Variants in KLF8 observed in about 807,000 individuals in gnomAD.
KLF8 encodes Krueppel-like factor 8.
KLF8 carries 10 observed loss-of-function variants against 18.2 expected under a neutral mutation model. The ratio of observed to expected loss-of-function variants is 0.55; its 90% CI spans 0.34 to 0.93. KLF8 has a LOEUF of 0.93. KLF8 is among the 40% of genes least tolerant of loss of function. The pLI, the probability that KLF8 is intolerant of heterozygous loss-of-function variation, is 0.02. For synonymous variants in KLF8, 109 were observed against 97.3 expected (o/e 1.12, Z -0.71); for missense variants, 264 against 277.9 (o/e 0.95, Z 0.36).
chrX:56,050,118 C>G, the KLF8 span, among the ~76,000 whole-genome samples: 1 of 109,954 alleles, frequency 9.1e-6, no homozygotes, highest in Non-Finnish European at 1.9e-5. Flanking sequence ...GTGATATCCC[C>G]TTTATCATTT....
chrX:55,930,856 G>A, the KLF8 span, among the ~76,000 whole-genome samples: 3 of 111,774 alleles, frequency 2.7e-5, no homozygotes, highest in Non-Finnish European at 5.6e-5. Flanking sequence ...TTTTTACGTT[G>A]TGTCTCTGCC....
the KLF8 span, among the ~76,000 whole-genome samples, chrX:56,077,684 C>A: frequency 9.0e-6 from 1 of 111,645 alleles, no homozygotes; most frequent in African/African-American, 3.3e-5. Context: ...TGAAGAAAGT[C>A]ATTGGTAGCT....
the KLF8 span, among the ~76,000 whole-genome samples, chrX:56,008,171 C>T: frequency 4.7e-5 from 5 of 105,947 alleles, no homozygotes; most frequent in African/African-American, 1.8e-4. Flanking sequence ...TAACATTTTG[C>T]CTACATGCAT....
At chrX:55,909,461 T>G in the KLF8 span, among the ~76,000 whole-genome samples, 1 of 112,788 alleles carries the variant, frequency 8.9e-6, no homozygotes, top group South Asian at 3.6e-4. Flanking sequence ...CAAATTTTAT[T>G]GAATGCCAGG....
At chrX:56,115,223 G>A in the KLF8 span, among the ~76,000 whole-genome samples, 1 of 110,895 alleles carries the variant, frequency 9.0e-6, no homozygotes, top group Admixed American at 9.6e-5. Flanking sequence ...AAACTAGTCT[G>A]GGCAACATAG....
At chrX:56,163,738 C>T in the KLF8 span, among the ~76,000 whole-genome samples, 2 of 112,166 alleles carry the variant, frequency 1.8e-5, no homozygotes, top group Non-Finnish European at 3.8e-5. Flanking sequence ...TAGGGTTTTA[C>T]ATTTAAGTCT....
At chrX:56,189,305 T>A in the KLF8 span, among the ~76,000 whole-genome samples, 1 of 112,034 alleles carries the variant, frequency 8.9e-6, no homozygotes, top group Non-Finnish European at 1.9e-5. Context: ...GAAATGCAAG[T>A]CAAAACCACA....
At chrX:56,025,233 A>C in the KLF8 span, among the ~76,000 whole-genome samples, 1 of 112,692 alleles carries the variant, frequency 8.9e-6, no homozygotes, top group Non-Finnish European at 1.9e-5. Context: ...CATCATAGAA[A>C]GTCTGAAATA....
At chrX:56,175,942 A>G in the KLF8 span, among the ~76,000 whole-genome samples, 1 of 110,379 alleles carries the variant, frequency 9.1e-6, no homozygotes, top group African/African-American at 3.3e-5. Flanking sequence ...TTTGTTTTCC[A>G]TTTGCTTGGC....
intron 1 of KLF8, among the ~76,000 whole-genome samples, chrX:56,241,652 G>T (rs1338773821): frequency 9.0e-6 from 1 of 111,562 alleles, no homozygotes; most frequent in Non-Finnish European, 1.9e-5. Flanking sequence ...AACTGGAAGG[G>T]ATCTGAAAAG....
the KLF8 span, among the ~76,000 whole-genome samples, chrX:55,993,530 G>T: frequency 8.9e-6 from 1 of 111,908 alleles, no homozygotes; most frequent in Non-Finnish European, 1.9e-5. Context: ...ATTTTCGCAT[G>T]TATGTTTATC....
chrX:56,210,807 A>C, the KLF8 span, among the ~76,000 whole-genome samples: 1 of 108,627 alleles, frequency 9.2e-6, no homozygotes, highest in Non-Finnish European at 1.9e-5. Context: ...CTGCTTGATG[A>C]ATTTTGCAAT....
intron 2 of KLF8, among the ~76,000 whole-genome samples, chrX:56,261,552 C>G (rs1333667729): frequency 9.0e-6 from 1 of 111,153 alleles, no homozygotes; most frequent in Non-Finnish European, 1.9e-5. Context: ...GGTAGCCATC[C>G]TGAGTCATCT....
At chrX:56,207,952 G>A in the KLF8 span, among the ~76,000 whole-genome samples, 4 of 111,048 alleles carry the variant, frequency 3.6e-5, no homozygotes, top group Admixed American at 9.7e-5. Context: ...CATGGCAGAA[G>A]GTGAATGAGG....
At chrX:56,068,725 C>A in the KLF8 span, among the ~76,000 whole-genome samples, 1 of 106,032 alleles carries the variant, frequency 9.4e-6, no homozygotes, top group Non-Finnish European at 2.0e-5. Context: ...GGTAGCCAGG[C>A]AAGCAATGCA....
In KLF8 at chrX:56,287,702, G is replaced by A. The variant is rs1372580523; in HGVS notation, c.*3208G>A. The stretch of plus-strand genomic sequence containing the variant: ...CATTATGGGCAAGACAAAGGTTTTC[G>A]ATATTAACTTCTTTTAAAATAAACT... On this transcript the variant is annotated 3_prime_UTR_variant, in exon 6 of 6. Transcript: ENST00000468660. The A allele has an allele frequency of 3.6e-5, 4 of 111,589 alleles. No homozygotes were observed. Among genetic ancestry groups the A allele is most frequent in the South Asian group, 7.5e-4 (2 of 2,663 alleles). 9.2% of individuals were successfully genotyped at this position (111,589 alleles called of 1,213,427 possible).
chrX:56,202,215 A>T, the KLF8 span, among the ~76,000 whole-genome samples: 8 of 109,114 alleles, frequency 7.3e-5, no homozygotes, highest in Non-Finnish European at 1.9e-5. Context: ...TTTTTTTTTC[A>T]CATTGCATGA....
the KLF8 span, among the ~76,000 whole-genome samples, chrX:56,065,822 G>A: frequency 8.9e-6 from 1 of 112,003 alleles, no homozygotes; most frequent in Admixed American, 9.5e-5. Flanking sequence ...AGCAGTTATT[G>A]CTATGATTTC....
At chrX:55,961,009 A>G in the KLF8 span, among the ~76,000 whole-genome samples, 4 of 112,015 alleles carry the variant, frequency 3.6e-5, no homozygotes, top group East Asian at 1.1e-3. Flanking sequence ...TCAGGAAAAC[A>G]GAAAGCAAAA....
Sources: allele counts gnomAD v4.1 joint callset (sites outside exome capture counted in the v4.1 genomes callset), GRCh38; gene constraint gnomAD v4.1.1; transcripts MANE v1.5; gene names NCBI Gene and HGNC (gene_info 2026-07-23, HGNC 2026-07-21).